Variants in ZNF850 observed in about 807,000 individuals in gnomAD.
ZNF850 encodes putative zinc finger protein ENSP00000330994.
In ZNF850, 2 loss-of-function variants were observed where a neutral mutation model predicts 11.9. That is an observed-to-expected ratio of 0.17 (90% confidence interval 0.07 to 0.53). The LOEUF (loss-of-function observed/expected upper bound fraction) is 0.53. Among genes scored for constraint, ZNF850 ranks in the 20% least tolerant of loss-of-function variants. The pLI is 0.94. For synonymous variants in ZNF850, 381 were observed against 443.0 expected, an observed-to-expected ratio of 0.86 and a Z score of 1.76; for missense variants, 1,014 against 1,316.4, an observed-to-expected ratio of 0.77 and a Z score of 3.55.
Position 36,768,584 on chromosome 19 carries a change from G to A in ZNF850, c.-70+4141C>T, listed in dbSNP as rs182739100. Among the ~76,000 whole-genome samples, 37 of 152,196 alleles carry A rather than the reference G, an allele frequency of 2.4e-4. 1 individual carries two copies. The East Asian group carries it at 5.4e-3, about 22-fold the overall frequency. Reference sequence around the variant, plus strand: ...TGGATATTTTCATCTCAAGTATATTGTAATCTCTGTCTTTAAATCTATCTA... The same window carrying A: ...TGGATATTTTCATCTCAAGTATATTATAATCTCTGTCTTTAAATCTATCTA... On this transcript the variant is annotated intron_variant, in intron 1 of 4. Coordinates refer to ENST00000591344, the MANE Select transcript of ZNF850 (RefSeq NM_001193552.2).
At position 36,749,542 on chromosome 19, in the gene ZNF850, T is replaced by C. The variant is rs1313530697; in HGVS notation, c.1498A>G (p.Thr500Ala). The change falls in exon 5 of 5, where the codon ACT becomes GCT. Residue 500 changes from threonine (T) to alanine (A), a missense_variant. Physicochemically the swap from Thr to Ala is moderately conservative, Grantham distance 58. Transcript: ENST00000591344. The stretch of plus-strand genomic sequence containing the variant: ...TTACAATTATAGGGTTTCTCACCAG[T>C]GTGGATTCGCTGGTGTCGATTGCGT... ...STRNRHQRIH[T>A]GEKPYNCKEC... 1.3e-6 allele frequency: 2 copies of C among 1,546,242 alleles called. No individual in the cohort carries two copies. The highest frequency in any genetic ancestry group is 2.4e-5 in the South Asian group (2 of 84,550).
chr19:36,749,215 G>T lies in ZNF850; in HGVS notation c.1825C>A (p.Gln609Lys). 1 of 1,599,464 alleles carries T rather than the reference G, an allele frequency of 6.3e-7. No individual in the cohort carries two copies. The highest frequency in any genetic ancestry group is 1.7e-5 in the Admixed American group (1 of 57,894). ...TAAGGTTTCTCACCAGTGTGAATTT[G>T]CTGATGTTGAAGTAGTGTTGAGCCA... ...TVGSTLLQHQ[Q>K]IHTGEKPYDC... is the part of the protein sequence containing the mutation. The change falls in exon 5 of 5, where the codon CAA becomes AAA. Residue 609 changes from glutamine (Q) to lysine (K), a missense_variant. Transcript: ENST00000591344.
In ZNF850 at chr19:36,749,207, G is replaced by A. The variant is rs1315544890; in HGVS notation, c.1833C>T (p.His611=). The A allele has an allele frequency of 6.2e-7, 1 of 1,602,458 alleles. No homozygotes were observed. Among genetic ancestry groups the A allele is most frequent in the Non-Finnish European group, 8.5e-7 (1 of 1,176,254 alleles). Residue 611 remains histidine (H), a synonymous_variant, in exon 5 of 5, where the codon CAC becomes CAT. Transcript: ENST00000591344. ...TACAATCATAAGGTTTCTCACCAGT[G>A]TGAATTTGCTGATGTTGAAGTAGTG... ...GSTLLQHQQI[H]TGEKPYDCKE... is the part of the protein sequence containing the mutation.
chr19:36,767,122 A>G (rs1281144006), intron 1 of ZNF850, among the ~76,000 whole-genome samples: 2 of 152,136 alleles, frequency 1.3e-5, no homozygotes, highest in South Asian at 2.1e-4. Flanking sequence ...CTGTAATCCC[A>G]GCTACTCGGG....
Position 36,749,392 on chromosome 19 carries a change from C to T in ZNF850, c.1648G>A (p.Gly550Arg). Reference sequence around the variant, plus strand: ...TCACCAGTGTGAACTGCCTGATGTCCAATTAGCCCTGAGCGAAAAGTAAAA... The same window carrying T: ...TCACCAGTGTGAACTGCCTGATGTCTAATTAGCCCTGAGCGAAAAGTAAAA... The part of the protein sequence containing the change: ...KSFTFRSGLI[G>R]HQAVHTGEKP... The change falls in exon 5 of 5, where the codon GGA (glycine) becomes AGA (arginine). Residue 550 changes from glycine (G) to arginine (R), a missense_variant. Coordinates refer to ENST00000591344, the MANE Select transcript of ZNF850 (RefSeq NM_001193552.2). 1 of 1,535,504 alleles carries T rather than the reference C, an allele frequency of 6.5e-7. No individual in the cohort carries two copies. Among genetic ancestry groups the T allele is most frequent in the Non-Finnish European group, 8.7e-7 (1 of 1,148,222 alleles).
In ZNF850 at chr19:36,748,573, T is replaced by C. The variant is rs1306297612; in HGVS notation, c.2467A>G (p.Thr823Ala). ...TGTTGAATTAGTGCTGAGCGAAGAG[T>C]AAAAGATTTCCCACATTCCTTGCAA... ...YHCKECGKSF[T>A]LRSALIQHRP... is the part of the protein sequence containing the mutation. Residue 823 changes from threonine to alanine, a missense_variant, in exon 5 of 5, where the codon ACT becomes GCT. This residue lies in a region of ZNF850 where 835 missense variants were observed against 1,022.0 expected (regional missense o/e 0.82). Transcript: ENST00000591344. 1.3e-6 allele frequency: 2 copies of C among 1,536,836 alleles called. No individual in the cohort carries two copies. Among genetic ancestry groups the C allele is most frequent in the Admixed American group, 2.0e-5 (1 of 50,978 alleles).
At chr19:36,756,095 G>A (rs1464760207) in intron 4 of ZNF850, among the ~76,000 whole-genome samples, 1 of 151,722 alleles carries the variant, frequency 6.6e-6, no homozygotes, top group Non-Finnish European at 1.5e-5. Context: ...TAGTAGAGAC[G>A]GGGTTTTACC....
chr19:36,760,694 G>C (rs1383061693), intron 4 of ZNF850, among the ~76,000 whole-genome samples: 1 of 151,844 alleles, frequency 6.6e-6, no homozygotes. Flanking sequence ...GTGAAACCCT[G>C]TCTCTACTGA....
rs940576844 is a variant in ZNF850, at chr19:36,748,580, T to C, written c.2460A>G (p.Lys820=). The change falls in exon 5 of 5, where the codon AAA becomes AAG. Residue 820 remains lysine, a synonymous_variant. Transcript: ENST00000591344. ...EKPYHCKECG[K]SFTLRSALIQ... The stretch of plus-strand genomic sequence containing the variant: ...TTAGTGCTGAGCGAAGAGTAAAAGA[T>C]TTCCCACATTCCTTGCAATGATAAG... The C allele has an allele frequency of 7.8e-6, 12 of 1,536,854 alleles. No individual in the cohort carries two copies. The highest frequency in any genetic ancestry group is 9.6e-6 in the Non-Finnish European group (11 of 1,146,876).
chr19:36,767,890 A>G (rs890850597), intron 1 of ZNF850, among the ~76,000 whole-genome samples: 2 of 152,226 alleles, frequency 1.3e-5, no homozygotes, highest in Non-Finnish European at 2.9e-5. Context: ...TGTTGGCCAA[A>G]TAACACCAAC....
rs2040430540 is a variant in ZNF850, at chr19:36,748,750, T to C, written c.2290A>G (p.Lys764Glu). 8 of 1,547,816 alleles carry C rather than the reference T, an allele frequency of 5.2e-6. No homozygotes were observed. In the South Asian group the frequency reaches 9.5e-5, roughly 18 times the overall value. Residue 764 changes from lysine (K) to glutamate (E), a missense_variant, in exon 5 of 5, where the codon AAA becomes GAA. By Grantham distance (56) the Lys-to-Glu change is moderately conservative (BLOSUM62 1). Coordinates refer to ENST00000591344, the MANE Select transcript of ZNF850 (RefSeq NM_001193552.2). ...AGTGTTGAGTGAGAAGTAAAAGATT[T>C]CCCACATTCCTTACAATCATAGGGT... Reference protein sequence around the residue: ...EKPYDCKECGKSFTSHSTLIQ... With the variant: ...EKPYDCKECGESFTSHSTLIQ...
chr19:36,749,705 A>G lies in ZNF850; in HGVS notation c.1335T>C (p.Gly445=). ...ACTCCTTACAATCATAGGGTTTCTC[A>G]CCAGTGTGAATTCGCTGATGTTGAA... ...TLIQHQRIHT[G]EKPYDCKECG... is the part of the protein sequence containing the mutation. Residue 445 remains glycine, a synonymous_variant, in exon 5 of 5, where the codon GGT becomes GGC. Transcript: ENST00000591344. 1 of 1,560,160 alleles carries G rather than the reference A, an allele frequency of 6.4e-7. No individual in the cohort carries two copies. The highest frequency in any genetic ancestry group is 8.7e-7 in the Non-Finnish European group (1 of 1,154,622).
chr19:36,770,574 C>T lies in ZNF850; in HGVS notation c.-70+2151G>A, dbSNP rs149811518. ...TACAAAAATTAGCCGGGCGTGGTGGCGCGTGCCTGTAGTTCCAGCTACTCG... is the reference window on the plus strand; with the variant it reads ...TACAAAAATTAGCCGGGCGTGGTGGTGCGTGCCTGTAGTTCCAGCTACTCG... On this transcript the variant is annotated intron_variant, in intron 1 of 4. Coordinates refer to ENST00000591344, the MANE Select transcript of ZNF850 (RefSeq NM_001193552.2). 5.7e-3 allele frequency among the ~76,000 whole-genome samples: 864 copies of T among 151,772 alleles called. 7 individuals carry two copies. Among genetic ancestry groups the T allele is most frequent in the African/African-American group, 0.02 (817 of 41,402 alleles).
At chr19:36,761,165 C>T (rs1322727074) in intron 4 of ZNF850, among the ~76,000 whole-genome samples, 1 of 151,876 alleles carries the variant, frequency 6.6e-6, no homozygotes, top group African/African-American at 2.4e-5. Flanking sequence ...CTTGGCCAGG[C>T]GCAGTGGCTC....
chr19:36,767,067 T>A (rs1480340893), intron 1 of ZNF850, among the ~76,000 whole-genome samples: 1 of 151,490 alleles, frequency 6.6e-6, no homozygotes, highest in Admixed American at 6.6e-5. Context: ...TGAAACCCTG[T>A]CTCAAATTAA....
rs1263827253 is a variant in ZNF850 at position 36,747,877 on chromosome 19, G to A, written c.3163C>T (p.His1055Tyr). The change falls in exon 5 of 5, where the codon CAT becomes TAT. Residue 1055 changes from histidine to tyrosine, a missense_variant. Transcript: ENST00000591344. ...TTCTCGCCAGTGTGAACACTCTGAT[G>A]TCGGCTGAGTCCTGAGGCATAGAAA... The part of the protein sequence containing the change: ...AFFYASGLSR[H>Y]QSVHTGEKPY... The A allele has an allele frequency of 6.3e-7, 1 of 1,577,256 alleles. No homozygotes were observed. Among genetic ancestry groups the A allele is most frequent in the Non-Finnish European group, 8.6e-7 (1 of 1,165,354 alleles).
In ZNF850 at chr19:36,759,895, A is replaced by C. The variant is rs2040508312; in HGVS notation, c.235+1748T>G. Among the ~76,000 whole-genome samples, 3 of 152,190 alleles carry C rather than the reference A, an allele frequency of 2.0e-5. No homozygotes were observed. The South Asian group carries it at 6.2e-4, about 32-fold the overall frequency. ...AAAAATCCCTCAGTCTATGCTACTT[A>C]CAGCCCAATTTTTGTCCATGTTAAC... On this transcript the variant is annotated intron_variant, in intron 4 of 4. Transcript: ENST00000591344.
In ZNF850 at chr19:36,772,748, CG is replaced by C. The variant is rs1417124754; in HGVS notation, c.-94del. 6.6e-6 allele frequency: 1 copy of C among 152,498 alleles called. No homozygotes were observed. Among genetic ancestry groups the C allele is most frequent in the Admixed American group, 6.5e-5 (1 of 15,278 alleles). 9.4% of individuals were successfully genotyped at this position (152,498 alleles called of 1,614,324 possible). A position where few individuals can be genotyped will look rare whatever the true frequency, so the allele number is the denominator to read the frequency against. ...ACCCTCAGCATTCTCTGGTTCCGCTCGGGGCCAGCCTAGCCAAGTTCCTCAG... is the reference window on the plus strand; with the variant it reads ...ACCCTCAGCATTCTCTGGTTCCGCTCGGGCCAGCCTAGCCAAGTTCCTCAG... On this transcript the variant is annotated 5_prime_UTR_variant, in exon 1 of 5. Coordinates refer to ENST00000591344, the MANE Select transcript of ZNF850 (RefSeq NM_001193552.2).
Position 36,749,704 on chromosome 19 carries a change from C to T in ZNF850, c.1336G>A (p.Glu446Lys). The stretch of plus-strand genomic sequence containing the variant: ...CACTCCTTACAATCATAGGGTTTCT[C>T]ACCAGTGTGAATTCGCTGATGTTGA... ...LIQHQRIHTG[E>K]KPYDCKECGK... The change falls in exon 5 of 5, where the codon GAG becomes AAG. Residue 446 changes from glutamate (E) to lysine (K), a missense_variant. Physicochemically the swap from Glu to Lys is moderately conservative, Grantham distance 56. This residue lies in a region of ZNF850 where 835 missense variants were observed against 1,022.0 expected (regional missense o/e 0.82). Coordinates refer to ENST00000591344, the MANE Select transcript of ZNF850 (RefSeq NM_001193552.2). The T allele has an allele frequency of 6.4e-7, 1 of 1,560,522 alleles. No homozygotes were observed. The highest frequency in any genetic ancestry group is 1.4e-5 in the African/African-American group (1 of 73,408).
Sources: allele counts gnomAD v4.1 joint callset (sites outside exome capture counted in the v4.1 genomes callset), GRCh38; gene constraint gnomAD v4.1.1; regional missense constraint gnomAD v4.1.1; transcripts MANE v1.5; gene names NCBI Gene and HGNC (gene_info 2026-07-23, HGNC 2026-07-21).